UBE3D: variants seen among roughly 807,000 people sequenced by gnomAD.
The protein encoded by UBE3D is E3 ubiquitin-protein ligase E3D.
In UBE3D, 48 loss-of-function variants were observed where a neutral mutation model predicts 49.6. The ratio of observed to expected loss-of-function variants is 0.97; its 90% CI spans 0.77 to 1.23. The LOEUF (loss-of-function observed/expected upper bound fraction) is 1.23, where lower values mean the gene tolerates loss of function less well. Among genes scored for constraint, UBE3D ranks in the 50% most tolerant of loss-of-function variants. UBE3D has a pLI of 0.00. For synonymous variants in UBE3D, 189 were observed against 174.2 expected (o/e 1.08, Z -0.67); for missense variants, 452 against 468.4 (o/e 0.96, Z 0.32).
intron 9 of UBE3D, among the ~76,000 whole-genome samples, chr6:82,955,280 A>G (rs1237187714): frequency 6.6e-6 from 1 of 152,142 alleles, no homozygotes; most frequent in African/African-American, 2.4e-5. Flanking sequence ...TTTCTTTAAG[A>G]CTTGTGTTGA....
chr6:82,973,713 C>A (rs1777515065), intron 8 of UBE3D, among the ~76,000 whole-genome samples: 1 of 152,138 alleles, frequency 6.6e-6, no homozygotes, highest in Non-Finnish European at 1.5e-5. Context: ...TGTGAGTAAT[C>A]ATCCCTGTAC....
chr6:82,937,611 C>T (rs1401542857), intron 9 of UBE3D, among the ~76,000 whole-genome samples: 2 of 152,064 alleles, frequency 1.3e-5, no homozygotes, highest in Non-Finnish European at 2.9e-5. Flanking sequence ...AGTAACTATA[C>T]TTATAAGTAA....
At chr6:83,016,638 T>C (rs937823809) in intron 8 of UBE3D, among the ~76,000 whole-genome samples, 2 of 151,430 alleles carry the variant, frequency 1.3e-5, no homozygotes, top group East Asian at 1.9e-4. Context: ...TATATATGCA[T>C]ATAAATCTTC....
intron 7 of UBE3D, 144 bp from the exon 8 acceptor site, chr6:83,019,280 G>A (rs1356249563): frequency 1.3e-5 from 9 of 718,616 alleles, no homozygotes; most frequent in Non-Finnish European, 1.6e-5. Flanking sequence ...AAGTTGGGTA[G>A]GCCTTTCAAA....
intron 9 of UBE3D, among the ~76,000 whole-genome samples, chr6:82,954,611 G>A (rs1776030329): frequency 6.6e-6 from 1 of 152,156 alleles, no homozygotes. Context: ...TTTAACAAGT[G>A]TCATTCTGCT....
At chr6:82,881,872 G>A in the UBE3D span, among the ~76,000 whole-genome samples, 4 of 152,274 alleles carry the variant, frequency 2.6e-5, no homozygotes, top group African/African-American at 7.2e-5. Flanking sequence ...AGTATCTTCT[G>A]TATAATGTTC....
chr6:83,010,782 G>GT (rs976295349), intron 8 of UBE3D, among the ~76,000 whole-genome samples: 3 of 152,114 alleles, frequency 2.0e-5, no homozygotes, highest in African/African-American at 7.2e-5. Flanking sequence ...GTCTTTTCAT[G>GT]TTTTTTTCTG....
chr6:83,019,738 A>G (rs1780952905), intron 7 of UBE3D, among the ~76,000 whole-genome samples: 1 of 152,148 alleles, frequency 6.6e-6, no homozygotes, highest in Non-Finnish European at 1.5e-5. Context: ...AAGGATATAG[A>G]ATCATCTGGA....
intron 9 of UBE3D, among the ~76,000 whole-genome samples, chr6:82,899,327 G>C (rs1256016065): frequency 1.3e-5 from 2 of 152,106 alleles, no homozygotes; most frequent in African/African-American, 4.8e-5. Flanking sequence ...TAGACTAAGG[G>C]AACATCAGTG....
chr6:82,889,553 A>G (rs971956927), downstream of UBE3D, among the ~76,000 whole-genome samples: 1 of 152,174 alleles, frequency 6.6e-6, no homozygotes, highest in Non-Finnish European at 1.5e-5. Flanking sequence ...TCTTGATGGA[A>G]TTGAATTATT....
chr6:83,007,038 T>C (rs538146318), intron 8 of UBE3D, among the ~76,000 whole-genome samples: 114 of 152,284 alleles, frequency 7.5e-4, no homozygotes, highest in African/African-American at 2.6e-3. Context: ...GACTATGAAA[T>C]ATATATGGGT....
chr6:83,029,123 A>C (rs762979550), intron 5 of UBE3D, among the ~76,000 whole-genome samples: 1 of 152,220 alleles, frequency 6.6e-6, no homozygotes, highest in African/African-American at 2.4e-5. Context: ...GTTCATTGAA[A>C]TTCTTAGATC....
rs1276441201 is a variant in UBE3D, at chr6:83,058,016, C to T, written c.84G>A (p.Pro28=). 2.5e-5 allele frequency: 40 copies of T among 1,613,886 alleles called. No homozygotes were observed. Among genetic ancestry groups the T allele is most frequent in the Non-Finnish European group, 3.0e-5 (35 of 1,180,014 alleles). Residue 28 remains proline, a synonymous_variant, in exon 2 of 10, where the codon CCG becomes CCA. Transcript: ENST00000369747. ...TATTCATGGGCATACCTCCTTCTTT[C>T]GGTTCTCTGGTAATTAAAAACAAAA... is the stretch of plus-strand genomic sequence containing the variant. ...LQSALLILGE[P]KEGGMPMNIS...
At chr6:82,993,247 G>A (rs938776025) in intron 8 of UBE3D, among the ~76,000 whole-genome samples, 1 of 151,886 alleles carries the variant, frequency 6.6e-6, no homozygotes, top group Non-Finnish European at 1.5e-5. Context: ...TGATGTACAG[G>A]TACTCTTGGA....
chr6:82,881,886 C>A, the UBE3D span, among the ~76,000 whole-genome samples: 1 of 152,164 alleles, frequency 6.6e-6, no homozygotes, highest in African/African-American at 2.4e-5. Flanking sequence ...AATGTTCCCA[C>A]AAATAAATTA....
downstream of UBE3D, among the ~76,000 whole-genome samples, chr6:82,887,786 A>G (rs1393720520): frequency 6.6e-6 from 1 of 152,158 alleles, no homozygotes; most frequent in African/African-American, 2.4e-5. Context: ...TATGGAACTT[A>G]AAACTAATGA....
downstream of UBE3D, among the ~76,000 whole-genome samples, chr6:82,891,356 G>T (rs1770975137): frequency 6.6e-6 from 1 of 152,150 alleles, no homozygotes; most frequent in Non-Finnish European, 1.5e-5. Context: ...CCCACAAAAA[G>T]AATTATCCAG....
chr6:82,946,886 T>C (rs901660037), intron 9 of UBE3D, among the ~76,000 whole-genome samples: 2 of 150,634 alleles, frequency 1.3e-5, no homozygotes, highest in African/African-American at 2.4e-5. Flanking sequence ...GCAAACCTCA[T>C]GTTAACAAAA....
intron 3 of UBE3D, among the ~76,000 whole-genome samples, chr6:83,047,589 T>C (rs983302006): frequency 1.6e-4 from 25 of 152,172 alleles, no homozygotes; most frequent in Admixed American, 1.4e-3. Context: ...TGAGAGGAAT[T>C]CTTGATGCTG....
Sources: allele counts gnomAD v4.1 joint callset (sites outside exome capture counted in the v4.1 genomes callset), GRCh38; gene constraint gnomAD v4.1.1; transcripts MANE v1.5; gene names NCBI Gene and HGNC (gene_info 2026-07-23, HGNC 2026-07-21).